Variants in GALNT13 observed in about 807,000 individuals in gnomAD.
The protein encoded by GALNT13 is polypeptide N-acetylgalactosaminyltransferase 13, also known as UDP-GalNAc:polypeptide N-acetylgalactosaminyltransferase 13.
A neutral mutation model predicts 64.2 loss-of-function variants in GALNT13; 28 were observed. The observed-to-expected ratio is 0.44, with a 90% confidence interval of 0.32 to 0.60. The LOEUF (loss-of-function observed/expected upper bound fraction) is 0.60, where lower values mean the gene tolerates loss of function less well. Among genes scored for constraint, GALNT13 ranks in the 20% least tolerant of loss-of-function variants. The pLI is 0.05. For synonymous variants in GALNT13, 214 were observed against 224.6 expected, an observed-to-expected ratio of 0.95 and a Z score of 0.42; for missense variants, 577 against 669.8, an observed-to-expected ratio of 0.86 and a Z score of 1.53.
At chr2:153,877,248 T>G (rs1247367553) in intron 1 of GALNT13, among the ~76,000 whole-genome samples, 3 of 152,228 alleles carry the variant, frequency 2.0e-5, no homozygotes, top group Admixed American at 6.5e-5. Flanking sequence ...GCAAGATATA[T>G]CATGTTAAGG....
At chr2:153,078,995 G>A in the GALNT13 span, among the ~76,000 whole-genome samples, 105 of 152,278 alleles carry the variant, frequency 6.9e-4, no homozygotes, top group African/African-American at 2.4e-3. Context: ...GGCACAGTGA[G>A]ACTGGTCTAC....
the GALNT13 span, chr2:153,478,131 T>C: frequency 6.8e-6 from 6 of 879,580 alleles, no homozygotes; most frequent in African/African-American, 1.0e-4. Flanking sequence ...GAGAAATAAT[T>C]GACTCCGACA....
chr2:153,250,301 A>T, the GALNT13 span, among the ~76,000 whole-genome samples: 5 of 152,282 alleles, frequency 3.3e-5, no homozygotes, highest in African/African-American at 1.2e-4. Flanking sequence ...ATCGCTGGTC[A>T]TTAGAGAAAC....
chr2:153,578,293 T>A, the GALNT13 span, among the ~76,000 whole-genome samples: 1 of 152,336 alleles, frequency 6.6e-6, no homozygotes, highest in South Asian at 2.1e-4. Flanking sequence ...TAAAATGAAT[T>A]TTAACCTTAA....
At chr2:153,233,385 T>C in the GALNT13 span, among the ~76,000 whole-genome samples, 1 of 152,092 alleles carries the variant, frequency 6.6e-6, no homozygotes, top group Non-Finnish European at 1.5e-5. Flanking sequence ...GTAGGACTTC[T>C]GCCTAAAACT....
the GALNT13 span, among the ~76,000 whole-genome samples, chr2:153,826,256 C>T: frequency 6.6e-6 from 1 of 152,260 alleles, no homozygotes; most frequent in Admixed American, 6.5e-5. Flanking sequence ...TCTTCCTCTT[C>T]TTATAAATCC....
At chr2:153,370,376 C>T in the GALNT13 span, among the ~76,000 whole-genome samples, 2 of 152,046 alleles carry the variant, frequency 1.3e-5, no homozygotes, top group African/African-American at 4.8e-5. Context: ...AAGAAAATTA[C>T]AAACCGGTGT....
At chr2:154,363,428 G>A (rs1697189909) in intron 9 of GALNT13, among the ~76,000 whole-genome samples, 2 of 152,138 alleles carry the variant, frequency 1.3e-5, no homozygotes, top group Non-Finnish European at 2.9e-5. Flanking sequence ...GTGGACCAGT[G>A]AGGATTCTGC....
chr2:153,401,309 GTTCT>G, the GALNT13 span, among the ~76,000 whole-genome samples: 1 of 151,628 alleles, frequency 6.6e-6, no homozygotes, highest in East Asian at 1.9e-4. Context: ...TATAATTTCT[GTTCT>G]TTTACATTTG....
the GALNT13 span, among the ~76,000 whole-genome samples, chr2:153,634,422 C>G: frequency 2.8e-4 from 43 of 151,524 alleles, 1 homozygote. Flanking sequence ...TTGATGACAT[C>G]TACTCTGAGA....
chr2:154,245,664 C>A (rs1689741534), intron 6 of GALNT13, 148 bp from the exon 7 acceptor site: 3 of 500,068 alleles, frequency 6.0e-6, no homozygotes, highest in Non-Finnish European at 7.1e-6. Flanking sequence ...GAAATAATTC[C>A]ATGGACTAAT....
the GALNT13 span, among the ~76,000 whole-genome samples, chr2:153,583,819 A>C: frequency 6.6e-6 from 1 of 152,190 alleles, no homozygotes; most frequent in East Asian, 1.9e-4. Context: ...CTTGTGCAGC[A>C]CTTGAAAAGG....
chr2:153,300,686 G>T, the GALNT13 span, among the ~76,000 whole-genome samples: 15 of 152,080 alleles, frequency 9.9e-5, no homozygotes, highest in African/African-American at 3.1e-4. Flanking sequence ...TCTTAGATAG[G>T]CACAGAGCTG....
chr2:153,411,535 G>C, the GALNT13 span, among the ~76,000 whole-genome samples: 26 of 152,162 alleles, frequency 1.7e-4, no homozygotes, highest in Non-Finnish European at 2.9e-4. Flanking sequence ...CACTGAAAGA[G>C]ACCATGTGCT....
At chr2:153,288,029 A>G in the GALNT13 span, among the ~76,000 whole-genome samples, 1 of 152,006 alleles carries the variant, frequency 6.6e-6, no homozygotes, top group African/African-American at 2.4e-5. Flanking sequence ...GTGAATGGAC[A>G]CTCACAGGCT....
the GALNT13 span, among the ~76,000 whole-genome samples, chr2:153,246,565 G>A: frequency 6.6e-6 from 1 of 152,166 alleles, no homozygotes. Context: ...ATAAGTGAAG[G>A]AGAAGTAAAA....
intron 3 of GALNT13, among the ~76,000 whole-genome samples, chr2:154,116,944 A>G (rs1338732182): frequency 1.3e-5 from 2 of 152,164 alleles, no homozygotes; most frequent in Non-Finnish European, 2.9e-5. Flanking sequence ...ACACACTCGC[A>G]ATGTCCCACA....
At chr2:153,518,891 T>C in the GALNT13 span, among the ~76,000 whole-genome samples, 3 of 152,136 alleles carry the variant, frequency 2.0e-5, no homozygotes, top group Non-Finnish European at 4.4e-5. Context: ...CTCAGCACAA[T>C]ACAGTACTGT....
chr2:153,914,282 G>A (rs545391863), intron 2 of GALNT13, among the ~76,000 whole-genome samples: 3 of 152,074 alleles, frequency 2.0e-5, no homozygotes, highest in African/African-American at 4.8e-5. Flanking sequence ...TCAGGAGTTC[G>A]AGACCAGTCT....
Sources: allele counts gnomAD v4.1 joint callset (sites outside exome capture counted in the v4.1 genomes callset), GRCh38; gene constraint gnomAD v4.1.1; transcripts MANE v1.5; gene names NCBI Gene and HGNC (gene_info 2026-07-23, HGNC 2026-07-21).